PIK3C3: variants seen among roughly 807,000 people sequenced by gnomAD.
The protein encoded by PIK3C3 is phosphatidylinositol 3-kinase catalytic subunit type 3.
PIK3C3 carries 95 observed loss-of-function variants against 126.1 expected under a neutral mutation model. The ratio of observed to expected loss-of-function variants is 0.75; its 90% CI spans 0.64 to 0.89. The LOEUF (loss-of-function observed/expected upper bound fraction) is 0.89, where lower values mean the gene tolerates loss of function less well. Ranked by LOEUF, PIK3C3 falls within the 40% of genes least tolerant of loss-of-function variation. The pLI is 0.00. For missense variants in PIK3C3, 829 were observed against 1,063.2 expected (o/e 0.78, Z 3.06); for synonymous variants, 374 against 360.0 (o/e 1.04, Z -0.44).
At chr18:42,076,119 TATGCGC>T (rs1193752538) in intron 24 of PIK3C3, among the ~76,000 whole-genome samples, 64 of 64,754 alleles carry the variant, frequency 9.9e-4, no homozygotes, top group Non-Finnish European at 1.2e-3. Context: ...TATATATATA[TATGCGC>T]ATATATATAT....
In PIK3C3 at chr18:42,083,588, T is replaced by A. The variant is rs988943025; in HGVS notation, c.*2451T>A. On this transcript the variant is annotated 3_prime_UTR_variant, in exon 25 of 25. Transcript: ENST00000262039. ...AGTTTTAGATGTTCCCCAGCTCATT[T>A]GTATTATTGAGTTTTCAGCTGGGTA... 1.9e-4 allele frequency: 29 copies of A among 152,200 alleles called. No homozygotes were observed. The highest frequency in any genetic ancestry group is 9.8e-4 in the Admixed American group (15 of 15,274). The allele number at this position is 152,200 out of a possible 1,614,324, so 9.4% of individuals were successfully genotyped here.
intron 14 of PIK3C3, among the ~76,000 whole-genome samples, chr18:42,028,492 T>A (rs186192722): frequency 6.6e-6 from 1 of 152,350 alleles, no homozygotes; most frequent in Non-Finnish European, 1.5e-5. Flanking sequence ...AGAAATAGTC[T>A]ATTTCATGGC....
Position 42,074,586 on chromosome 18 carries a change from A to G in PIK3C3, c.2650-6537A>G, listed in dbSNP as rs140739606. On this transcript the variant is annotated intron_variant, in intron 24 of 24. Coordinates refer to ENST00000262039, the MANE Select transcript of PIK3C3 (RefSeq NM_002647.4). ...TATTTAGTTGTGAAACCGATACATA[A>G]GTATGTAGCTGCAAAACAAACTATT... is the stretch of plus-strand genomic sequence containing the variant. Among the ~76,000 whole-genome samples, 46 of 152,286 alleles carry G rather than the reference A, an allele frequency of 3.0e-4. No individual in the cohort carries two copies. In the East Asian group the frequency reaches 8.9e-3, roughly 29 times the overall value.
In PIK3C3 at chr18:41,995,753, G is replaced by A; in HGVS notation, c.787-137G>A. ...AGGATACATATTTTTAAGATATGTAGAAGACTGCTAAAGTTGTATCAGAAC... is the reference window on the plus strand; with the variant it reads ...AGGATACATATTTTTAAGATATGTAAAAGACTGCTAAAGTTGTATCAGAAC... On this transcript the variant is annotated intron_variant, in intron 7 of 24. Coordinates refer to ENST00000262039, the MANE Select transcript of PIK3C3 (RefSeq NM_002647.4). 3 of 647,548 alleles carry A rather than the reference G, an allele frequency of 4.6e-6. No homozygotes were observed. In the South Asian group the frequency reaches 6.0e-5, roughly 13 times the overall value. The allele number at this position is 647,548 out of a possible 1,614,324, so 40.1% of individuals were successfully genotyped here.
chr18:41,994,509 A>G (rs1444243722), intron 7 of PIK3C3, among the ~76,000 whole-genome samples: 20 of 152,132 alleles, frequency 1.3e-4, no homozygotes. Flanking sequence ...TATAATTACA[A>G]TAATGTGGTA....
intron 10 of PIK3C3, among the ~76,000 whole-genome samples, chr18:42,010,761 C>T (rs923238146): frequency 6.6e-6 from 1 of 152,174 alleles, no homozygotes; most frequent in Non-Finnish European, 1.5e-5. Flanking sequence ...TTCTTAATGA[C>T]ATCTAGAATG....
At chr18:42,027,408 T>TTCACA (rs751609866) in intron 13 of PIK3C3, 35 bp from the exon 14 acceptor site, 1 of 1,241,042 alleles carries the variant, frequency 8.1e-7, no homozygotes, top group Non-Finnish European at 1.2e-6. Flanking sequence ...TAAGTTTCAT[T>TTCACA]TCACATCACA....
At chr18:41,963,945 T>G (rs1459188353) in intron 3 of PIK3C3, among the ~76,000 whole-genome samples, 2 of 152,100 alleles carry the variant, frequency 1.3e-5, no homozygotes, top group Non-Finnish European at 2.9e-5. Flanking sequence ...TGGTTTGTTC[T>G]TTTGAATTAG....
intron 5 of PIK3C3, among the ~76,000 whole-genome samples, chr18:41,989,128 C>T (rs1023754550): frequency 6.6e-6 from 1 of 151,882 alleles, no homozygotes; most frequent in African/African-American, 2.4e-5. Context: ...CTTGCTGTGT[C>T]ACCCAGGCTG....
At chr18:42,060,264 A>T (rs1422373355) in intron 22 of PIK3C3, among the ~76,000 whole-genome samples, 1 of 152,138 alleles carries the variant, frequency 6.6e-6, no homozygotes, top group Non-Finnish European at 1.5e-5. Flanking sequence ...CTTCACAAAG[A>T]ATCCACTGAA....
intron 4 of PIK3C3, among the ~76,000 whole-genome samples, chr18:41,981,099 T>C (rs903165593): frequency 6.6e-5 from 10 of 152,208 alleles, no homozygotes; most frequent in Non-Finnish European, 1.3e-4. Context: ...ACATATCTTA[T>C]TGCTTTGATT....
At chr18:42,041,514 A>G (rs563133933) in intron 19 of PIK3C3, among the ~76,000 whole-genome samples, 41 of 148,266 alleles carry the variant, frequency 2.8e-4, no homozygotes, top group African/African-American at 9.9e-4. Context: ...CTTTAAATAC[A>G]TGGATTAGTT....
intron 9 of PIK3C3, among the ~76,000 whole-genome samples, chr18:42,001,810 T>G (rs1480626648): frequency 6.6e-6 from 1 of 152,210 alleles, no homozygotes; most frequent in Non-Finnish European, 1.5e-5. Context: ...CCCGCACATT[T>G]CTATTAAGAC....
At position 42,067,503 on chromosome 18, in the gene PIK3C3, A is replaced by G; in HGVS notation, c.2639A>G (p.Lys880Arg). 3 of 1,614,106 alleles carry G rather than the reference A, an allele frequency of 1.9e-6. No homozygotes were observed. Among genetic ancestry groups the G allele is most frequent in the Admixed American group, 1.7e-5 (1 of 60,016 alleles). Reference protein sequence around the residue: ...LFAAVVEQIHKFAQYWRK With the variant: ...LFAAVVEQIHRFAQYWRK ...GCTGCAGTGGTGGAACAGATTCACAAGTTTGCCCAGGTAAGTTCCCTGAGT... is the reference window on the plus strand; with the variant it reads ...GCTGCAGTGGTGGAACAGATTCACAGGTTTGCCCAGGTAAGTTCCCTGAGT... The change falls in exon 24 of 25, where the codon AAG becomes AGG. Residue 880 changes from lysine (K) to arginine (R), a missense_variant. By Grantham distance (26) the Lys-to-Arg change is conservative. Around this residue, in one of 4 missense-constraint regions of PIK3C3, gnomAD observed 196 missense variants for 312.8 expected, o/e 0.63. Coordinates refer to ENST00000262039, the MANE Select transcript of PIK3C3 (RefSeq NM_002647.4).
Position 42,033,900 on chromosome 18 carries a change from T to G in PIK3C3, c.1782T>G (p.Pro594=). The part of the protein sequence containing the change: ...NLSDVELIPL[P]LEPQVKIRGI... ...CAGATGTGGAACTTATCCCGTTGCCTTTAGAACCCCAAGTGAAAATTAGAG... is the reference window on the plus strand; with the variant it reads ...CAGATGTGGAACTTATCCCGTTGCCGTTAGAACCCCAAGTGAAAATTAGAG... The change falls in exon 16 of 25, where the codon CCT becomes CCG. Residue 594 remains proline (P), a synonymous_variant. Coordinates refer to ENST00000262039, the MANE Select transcript of PIK3C3 (RefSeq NM_002647.4). 6.2e-7 allele frequency: 1 copy of G among 1,607,586 alleles called. No individual in the cohort carries two copies. The highest frequency in any genetic ancestry group is 8.5e-7 in the Non-Finnish European group (1 of 1,176,142).
At chr18:42,038,955 G>T in intron 18 of PIK3C3, 105 bp downstream of exon 18, 1 of 689,488 alleles carries the variant, frequency 1.5e-6, no homozygotes, top group Non-Finnish European at 2.4e-6. Flanking sequence ...AATTCCATTT[G>T]TAGCACTGAA....
chr18:42,007,046 T>G (rs1158741106), intron 10 of PIK3C3, among the ~76,000 whole-genome samples: 3 of 152,040 alleles, frequency 2.0e-5, no homozygotes, highest in Non-Finnish European at 4.4e-5. Context: ...TGAATTTCTT[T>G]TTTAGTAGAG....
intron 4 of PIK3C3, among the ~76,000 whole-genome samples, chr18:41,987,237 A>C (rs886294676): frequency 6.6e-6 from 1 of 152,102 alleles, no homozygotes; most frequent in African/African-American, 2.4e-5. Context: ...TTAAAGTTAT[A>C]AAACTAAGGT....
In PIK3C3 at chr18:41,970,369, T is replaced by C; in HGVS notation, c.444T>C (p.Asn148=). Residue 148 remains asparagine, a synonymous_variant, in exon 4 of 25, where the codon AAT becomes AAC. Transcript: ENST00000262039. ...TGCATGACTTGAAAGTCTGGCCTAA[T>C]GTAGAAGCAGATGGATCAGAACCCA... ...QGMHDLKVWP[N]VEADGSEPTK... 1.2e-6 allele frequency: 2 copies of C among 1,613,362 alleles called. No homozygotes were observed. The highest frequency in any genetic ancestry group is 1.7e-5 in the Admixed American group (1 of 60,004).
Sources: gnomAD v4.1 joint callset for allele counts (sites outside exome capture counted in the v4.1 genomes callset) on GRCh38, gnomAD v4.1.1 for gene constraint, gnomAD v4.1.1 regional missense constraint, MANE v1.5 for transcripts, NCBI Gene and HGNC (gene_info 2026-07-23, HGNC 2026-07-21) for gene names.